The following DIP2C variants were observed in gnomAD, a reference collection of about 807,000 sequenced individuals.
DIP2C encodes DIP2 acetate--CoA ligase C (putative).
In DIP2C, 33 loss-of-function variants were observed where a neutral mutation model predicts 192.4. The observed-to-expected ratio is 0.17, with a 90% CI of 0.13 to 0.23. DIP2C has a LOEUF of 0.23. Ranked by LOEUF, DIP2C falls within the 10% of genes least tolerant of loss-of-function variation. The pLI is 1.00. For synonymous variants in DIP2C, 979 were observed against 864.1 expected, an observed-to-expected ratio of 1.13 and a Z score of -2.33; for missense variants, 1,537 against 2,110.1, an observed-to-expected ratio of 0.73 and a Z score of 5.32.
intron 1 of DIP2C, among the ~76,000 whole-genome samples, chr10:519,782 C>T (rs886274210): frequency 7.2e-5 from 11 of 152,230 alleles, no homozygotes; most frequent in African/African-American, 2.7e-4. Context: ...TACAAACGGA[C>T]GACGCAGTCT....
At position 588,933 on chromosome 10, in the gene DIP2C, G is replaced by A. The variant is rs185463794; in HGVS notation, c.85+100561C>T. ...CAGTTTTGTAAGAAACTGCTGAGCC[G>A]TCTGCACCATGCTGAACCGCAGCAT... On this transcript the variant is annotated intron_variant, in intron 1 of 36. Transcript: ENST00000280886. 8.5e-5 allele frequency among the ~76,000 whole-genome samples: 13 copies of A among 152,316 alleles called. No homozygotes were observed. In the East Asian group the frequency reaches 1.4e-3, roughly 16 times the overall value.
intron 17 of DIP2C, chr10:369,903 CTA>C (rs1294133665): frequency 2.2e-6 from 3 of 1,359,342 alleles, no homozygotes; most frequent in Non-Finnish European, 2.9e-6. Flanking sequence ...CCTGCCCCCT[CTA>C]TGCAGGCCCT....
chr10:323,451 A>G (rs111283039), intron 31 of DIP2C, among the ~76,000 whole-genome samples: 1,903 of 32,146 alleles, frequency 0.059, 458 homozygotes, highest in Middle Eastern at 0.25. Flanking sequence ...GCGGGGCTCC[A>G]GCGAGAGACC....
rs35830495 is a variant in DIP2C at position 305,972 on chromosome 10, AATATATATATAT to A, written c.3986+4047_3986+4058del. 1.9e-4 allele frequency among the ~76,000 whole-genome samples: 28 copies of A among 146,288 alleles called. 1 individual carries two copies. The highest frequency in any genetic ancestry group is 7.1e-4 in the African/African-American group (27 of 38,288). ...AAAACCGCATCTTCAAATGCAGACA[AATATATATATAT>A]ATATATATATTATATTTTTTTCCTA... On this transcript the variant is annotated intron_variant, in intron 32 of 36. Transcript: ENST00000280886.
chr10:383,319 G>T (rs1252628023), intron 16 of DIP2C, among the ~76,000 whole-genome samples: 1 of 152,172 alleles, frequency 6.6e-6, no homozygotes, highest in Admixed American at 6.5e-5. Context: ...AGGCATTAAA[G>T]GAGTTTATGC....
At chr10:285,123 T>A (rs1414963201) in intron 34 of DIP2C, among the ~76,000 whole-genome samples, 1 of 128,822 alleles carries the variant, frequency 7.8e-6, no homozygotes, top group Non-Finnish European at 1.6e-5. Flanking sequence ...ATCTTTCATG[T>A]ATGTGACTGA....
At chr10:455,064 C>T (rs982853575) in intron 3 of DIP2C, among the ~76,000 whole-genome samples, 3 of 152,324 alleles carry the variant, frequency 2.0e-5, no homozygotes, top group South Asian at 2.1e-4. Flanking sequence ...ATGGCAAAGA[C>T]AACCATGAGT....
intron 7 of DIP2C, among the ~76,000 whole-genome samples, chr10:414,733 G>GTA (rs1485973532): frequency 3.3e-4 from 19 of 58,292 alleles, no homozygotes; most frequent in South Asian, 2.0e-3. Flanking sequence ...GTGTGTGTGT[G>GTA]TGTGTGTACA....
chr10:580,456 T>C (rs915822646), intron 1 of DIP2C, among the ~76,000 whole-genome samples: 1 of 152,218 alleles, frequency 6.6e-6, no homozygotes, highest in Non-Finnish European at 1.5e-5. Context: ...CATGCATGTA[T>C]GTACACATAT....
intron 1 of DIP2C, among the ~76,000 whole-genome samples, chr10:523,322 T>C (rs1846835889): frequency 6.8e-6 from 1 of 147,566 alleles, no homozygotes; most frequent in African/African-American, 2.6e-5. Context: ...ACCCACACAC[T>C]CGTTTCTACC....
chr10:325,365 A>G (rs1044685936), intron 31 of DIP2C, among the ~76,000 whole-genome samples: 5 of 152,194 alleles, frequency 3.3e-5, no homozygotes, highest in African/African-American at 4.8e-5. Flanking sequence ...CAAGAGGCCA[A>G]TTTTACACCA....
rs761776593 is a variant in DIP2C, at chr10:349,472, G to A, written c.2986-18C>T. Reference sequence around the variant, plus strand: ...ATCGCACCCTGCGGGCCGATCACAGGGACAAGCACATAAGATTCCTTCAGC... The same window carrying A: ...ATCGCACCCTGCGGGCCGATCACAGAGACAAGCACATAAGATTCCTTCAGC... On this transcript the variant is annotated intron_variant, in intron 24 of 36. Coordinates refer to ENST00000280886, the MANE Select transcript of DIP2C (RefSeq NM_014974.3). 4 of 1,591,328 alleles carry A rather than the reference G, an allele frequency of 2.5e-6. No homozygotes were observed. The highest frequency in any genetic ancestry group is 3.4e-6 in the Non-Finnish European group (4 of 1,167,148).
chr10:435,453 G>GCCT (rs1355830562), intron 4 of DIP2C, among the ~76,000 whole-genome samples: 2 of 152,196 alleles, frequency 1.3e-5, no homozygotes, highest in African/African-American at 2.4e-5. Context: ...GTATGCACAG[G>GCCT]CCTCCTGGAC....
In DIP2C at chr10:597,481, G is replaced by A. The variant is rs970179456; in HGVS notation, c.85+92013C>T. On this transcript the variant is annotated intron_variant, in intron 1 of 36. Transcript: ENST00000280886. ...ACAATTCTAGGTGGAAAGGTGAATG[G>A]AGACCTGGTGAATGGAGACCAATGG... is the stretch of plus-strand genomic sequence containing the variant. Among the ~76,000 whole-genome samples the A allele has an allele frequency of 9.8e-4, 149 of 152,312 alleles. 5 individuals are homozygous for A. The highest frequency in any genetic ancestry group is 3.4e-4 in the Non-Finnish European group (23 of 68,020).
intron 1 of DIP2C, among the ~76,000 whole-genome samples, chr10:670,216 AC>A (rs1830550611): frequency 6.6e-6 from 1 of 152,060 alleles, no homozygotes; most frequent in African/African-American, 2.4e-5. Flanking sequence ...ATGCACACAT[AC>A]GCACACGCAT....
chr10:301,278 C>T (rs1319657139), intron 32 of DIP2C, among the ~76,000 whole-genome samples: 1 of 152,150 alleles, frequency 6.6e-6, no homozygotes, highest in Non-Finnish European at 1.5e-5. Context: ...TTTTAGACAG[C>T]ATTTATCACG....
chr10:310,243 G>T, intron 31 of DIP2C, 151 bp from the exon 32 acceptor site: 1 of 683,810 alleles, frequency 1.5e-6, no homozygotes, highest in Non-Finnish European at 2.5e-6. Context: ...CAAGGCACCT[G>T]CTAACTTTCA....
intron 1 of DIP2C, among the ~76,000 whole-genome samples, chr10:657,996 ACTGGACCTGACC>A (rs1856495243): frequency 4.1e-5 from 2 of 48,752 alleles, no homozygotes; most frequent in African/African-American, 1.6e-4. Flanking sequence ...TGGACCTGCC[ACTGGACCTGACC>A]CTGGACCTGC....
chr10:618,252 G>T (rs939014385), intron 1 of DIP2C, among the ~76,000 whole-genome samples: 2 of 152,144 alleles, frequency 1.3e-5, no homozygotes, highest in Non-Finnish European at 2.9e-5. Context: ...TAAATTACAA[G>T]AATCTCTAAG....
Sources: allele counts gnomAD v4.1 joint callset (sites outside exome capture counted in the v4.1 genomes callset), GRCh38; gene constraint gnomAD v4.1.1; transcripts MANE v1.5; gene names NCBI Gene and HGNC (gene_info 2026-07-23, HGNC 2026-07-21).